The following ATXN7 variants were observed in gnomAD, a reference collection of about 807,000 sequenced individuals.
The protein encoded by ATXN7 is ataxin 7.
In ATXN7, 12 loss-of-function variants were observed where a neutral mutation model predicts 70.5. That is an observed-to-expected ratio of 0.17 (90% CI 0.11 to 0.28). The LOEUF (loss-of-function observed/expected upper bound fraction) is 0.28. ATXN7 is among the 10% of genes least tolerant of loss of function. The probability of loss-of-function intolerance (pLI) is 1.00; values close to 1 mark genes in which losing one functional copy is unlikely to be tolerated. For synonymous variants in ATXN7, 498 were observed against 448.7 expected (o/e 1.11, Z -1.39); for missense variants, 1,256 against 1,131.7 (o/e 1.11, Z -1.58).
At position 63,952,501 on chromosome 3, in the gene ATXN7, TAA is replaced by T. The variant is rs751889955; in HGVS notation, c.499+23_499+24del. 2.6e-6 allele frequency: 4 copies of T among 1,544,826 alleles called. No individual in the cohort carries two copies. The highest frequency in any genetic ancestry group is 3.5e-6 in the Non-Finnish European group (4 of 1,132,560). On this transcript the variant is annotated intron_variant, in intron 5 of 12. Transcript: ENST00000674280. The stretch of plus-strand genomic sequence containing the variant: ...ACATTATGGTAAGTGCTTAACCATT[TAA>T]AAAATTGTTAATAGAAGGTAAAAGG...
intron 4 of ATXN7, among the ~76,000 whole-genome samples, chr3:63,923,376 A>G (rs1021718991): frequency 6.6e-6 from 1 of 152,114 alleles, no homozygotes; most frequent in African/African-American, 2.4e-5. Flanking sequence ...AAATACACAA[A>G]TATTTCCAAG....
At chr3:63,935,355 A>G (rs1376177025) in intron 4 of ATXN7, among the ~76,000 whole-genome samples, 1 of 152,118 alleles carries the variant, frequency 6.6e-6, no homozygotes, top group African/African-American at 2.4e-5. Flanking sequence ...TGCTCTGTAT[A>G]GTCTTATTTC....
chr3:63,945,618 A>G (rs929641616), intron 4 of ATXN7, among the ~76,000 whole-genome samples: 1 of 152,258 alleles, frequency 6.6e-6, no homozygotes. Flanking sequence ...TATTTAGCAC[A>G]TATTCATTGC....
At chr3:63,947,691 T>C (rs908521490) in intron 4 of ATXN7, among the ~76,000 whole-genome samples, 3 of 152,182 alleles carry the variant, frequency 2.0e-5, no homozygotes, top group African/African-American at 7.2e-5. Context: ...CCCACACTCT[T>C]AGCCACTCTG....
Position 63,995,786 on chromosome 3 carries a change from C to A in ATXN7, c.1964C>A (p.Thr655Lys). The A allele has an allele frequency of 1.9e-6, 3 of 1,614,236 alleles. No homozygotes were observed. Among genetic ancestry groups the A allele is most frequent in the Non-Finnish European group, 2.5e-6 (3 of 1,180,052 alleles). ...TCCTCTTCATCCTCATCCCCTTCCACGCCCTCTGGCCTTTCCTCGGTTCCT... is the reference window on the plus strand; with the variant it reads ...TCCTCTTCATCCTCATCCCCTTCCAAGCCCTCTGGCCTTTCCTCGGTTCCT... ...QVSSSSSSPSTPSGLSSVPSS... is the reference protein window; with the variant it reads ...QVSSSSSSPSKPSGLSSVPSS... The change falls in exon 12 of 13, where the codon ACG becomes AAG. Residue 655 changes from threonine to lysine, a missense_variant. Coordinates refer to ENST00000674280, the MANE Select transcript of ATXN7 (RefSeq NM_001377405.1).
chr3:63,941,480 G>A (rs373869970), intron 4 of ATXN7, among the ~76,000 whole-genome samples: 1 of 152,164 alleles, frequency 6.6e-6, no homozygotes, highest in Non-Finnish European at 1.5e-5. Context: ...GATTATATGC[G>A]GTGGAACAGT....
intron 9 of ATXN7, 137 bp from the exon 10 acceptor site, chr3:63,990,039 G>A (rs1193698373): frequency 1.8e-5 from 13 of 729,862 alleles, no homozygotes; most frequent in African/African-American, 3.6e-5. Context: ...ACCTGGATCA[G>A]CATCTGTTTT....
Position 63,995,647 on chromosome 3 carries a change from A to G in ATXN7, c.1825A>G (p.Thr609Ala). 1.2e-6 allele frequency: 2 copies of G among 1,614,136 alleles called. No homozygotes were observed. The highest frequency in any genetic ancestry group is 1.7e-6 in the Non-Finnish European group (2 of 1,180,020). Residue 609 changes from threonine to alanine, a missense_variant, in exon 12 of 13, where the codon ACC (threonine) becomes GCC (alanine). By Grantham distance (58) the Thr-to-Ala change is moderately conservative. Transcript: ENST00000674280. ...TACATCCCCAGTCCTGCTCTCATCT[A>G]CCTGCATCTCCCCAAATAGCAAATC... ...VSTSPVLLSS[T>A]CISPNSKSVP...
chr3:63,936,491 T>C (rs532323180), intron 4 of ATXN7, among the ~76,000 whole-genome samples: 4 of 152,332 alleles, frequency 2.6e-5, no homozygotes, highest in East Asian at 3.9e-4. Context: ...TCATTAGATA[T>C]ACAGTAAGTT....
chr3:63,963,527 T>C (rs937200107), intron 5 of ATXN7, among the ~76,000 whole-genome samples: 6 of 152,216 alleles, frequency 3.9e-5, no homozygotes, highest in Admixed American at 3.9e-4. Flanking sequence ...ATTTTTCTCA[T>C]GCTTCTAACT....
intron 8 of ATXN7, among the ~76,000 whole-genome samples, chr3:63,985,013 G>T (rs2075551410): frequency 6.6e-6 from 1 of 152,038 alleles, no homozygotes; most frequent in Admixed American, 6.5e-5. Context: ...ATACTATGTT[G>T]TCTTCATCCA....
At chr3:63,928,765 C>G (rs1350855883) in intron 4 of ATXN7, among the ~76,000 whole-genome samples, 1 of 152,196 alleles carries the variant, frequency 6.6e-6, no homozygotes, top group Non-Finnish European at 1.5e-5. Flanking sequence ...TGGCTTATTT[C>G]TGCATGTTGA....
At chr3:63,998,059 T>C in intron 12 of ATXN7, 1 of 985,344 alleles carries the variant, frequency 1.0e-6, no homozygotes, top group Non-Finnish European at 1.2e-6. Flanking sequence ...CAACGCACCG[T>C]CTTTGAGAGA....
At chr3:63,876,848 A>G (rs919540248) in intron 1 of ATXN7, among the ~76,000 whole-genome samples, 6 of 152,212 alleles carry the variant, frequency 3.9e-5, no homozygotes, top group Admixed American at 3.9e-4. Context: ...TCTCTTAGCC[A>G]TATAACTGCA....
In ATXN7 at chr3:63,982,344, G is replaced by T. The variant is rs201209382; in HGVS notation, c.911G>T (p.Gly304Val). ...CCAAAGCCAACCTTGCCTTCACCTG[G>T]ACAGATTCTGAATGGCAAAGGGCTT... ...SIPKPTLPSPGQILNGKGLPA... is the reference protein window; with the variant it reads ...SIPKPTLPSPVQILNGKGLPA... The change falls in exon 7 of 13, where the codon GGA (glycine) becomes GTA (valine). Residue 304 changes from glycine to valine, a missense_variant. Gly to Val is a moderately radical substitution (Grantham distance 109, BLOSUM62 -3). Transcript: ENST00000674280. The T allele has an allele frequency of 6.2e-6, 10 of 1,614,018 alleles. No individual in the cohort carries two copies. The highest frequency in any genetic ancestry group is 8.5e-6 in the Non-Finnish European group (10 of 1,180,042).
At chr3:63,869,387 A>G (rs1215434450) in intron 1 of ATXN7, among the ~76,000 whole-genome samples, 1 of 152,054 alleles carries the variant, frequency 6.6e-6, no homozygotes, top group Non-Finnish European at 1.5e-5. Flanking sequence ...TTACATTCTC[A>G]TCTTTAGAAG....
At chr3:63,928,405 AT>A (rs34342677) in intron 4 of ATXN7, among the ~76,000 whole-genome samples, 60,414 of 149,748 alleles carry the variant, frequency 0.4, 13,451 homozygotes, top group African/African-American at 0.61. Flanking sequence ...TTGCATACCC[AT>A]TTTTTTTTTT....
intron 1 of ATXN7, among the ~76,000 whole-genome samples, chr3:63,876,892 G>A (rs554235992): frequency 6.6e-6 from 1 of 152,296 alleles, no homozygotes; most frequent in South Asian, 2.1e-4. Context: ...CTTACAGAGA[G>A]AAATAGTTGT....
chr3:63,913,247 G>A (rs757231066), intron 4 of ATXN7, 22 bp downstream of exon 4: 5 of 1,610,202 alleles, frequency 3.1e-6, no homozygotes, highest in Non-Finnish European at 3.4e-6. Context: ...CCCCCTGATG[G>A]AGTTTGTACA....
Sources: allele counts gnomAD v4.1 joint callset (sites outside exome capture counted in the v4.1 genomes callset), GRCh38; gene constraint gnomAD v4.1.1; transcripts MANE v1.5; gene names NCBI Gene and HGNC (gene_info 2026-07-23, HGNC 2026-07-21).